Variants in DLGAP2 observed in about 807,000 individuals in gnomAD.
DLGAP2 encodes disks large-associated protein 2.
In DLGAP2, 26 loss-of-function variants were observed where a neutral mutation model predicts 100.3. The observed-to-expected ratio is 0.26, with a 90% confidence interval of 0.19 to 0.36. The LOEUF is 0.36. Among genes scored for constraint, DLGAP2 ranks in the 10% least tolerant of loss-of-function variants. DLGAP2 has a pLI of 1.00. For synonymous variants in DLGAP2, 886 were observed against 630.1 expected (o/e 1.41, Z -6.08); for missense variants, 1,858 against 1,453.2 (o/e 1.28, Z -4.53).
At chr8:1,027,360 C>T (rs1459653236) in intron 2 of DLGAP2, among the ~76,000 whole-genome samples, 3 of 150,600 alleles carry the variant, frequency 2.0e-5, no homozygotes, top group East Asian at 2.0e-4. Flanking sequence ...ACCAGGTGCC[C>T]GTTATTCTCC....
At chr8:1,279,630 C>G (rs1799775791) in intron 3 of DLGAP2, among the ~76,000 whole-genome samples, 1 of 152,218 alleles carries the variant, frequency 6.6e-6, no homozygotes, top group Admixed American at 6.5e-5. Flanking sequence ...GTAGCTGGGT[C>G]TTCAGCAAGG....
At position 1,701,343 on chromosome 8, in the gene DLGAP2, T is replaced by TTCCGCC; in HGVS notation, c.3110_3115dup (p.Ala1037_Ser1038dup). ...AGCGAGCGGCGTCCTTCCGGCAGAATTCCGCCTCCGAGCGCGCGGACAGCA... is the reference window on the plus strand; with the variant it reads ...AGCGAGCGGCGTCCTTCCGGCAGAATTCCGCCTCCGCCTCCGAGCGCGCGGACAGCA... On this transcript the variant is annotated inframe_insertion, in exon 15 of 15. Transcript: ENST00000637795. 1 of 1,595,140 alleles carries TTCCGCC rather than the reference T, an allele frequency of 6.3e-7. No individual in the cohort carries two copies. Among genetic ancestry groups the TTCCGCC allele is most frequent in the East Asian group, 2.3e-5 (1 of 43,792 alleles).
At chr8:1,277,682 T>G (rs181864723) in intron 3 of DLGAP2, among the ~76,000 whole-genome samples, 405 of 152,040 alleles carry the variant, frequency 2.7e-3, no homozygotes, top group Non-Finnish European at 4.6e-3. Flanking sequence ...AGTGGTGGGG[T>G]GGGCTTCCAG....
chr8:785,049 T>C (rs560976832), intron 1 of DLGAP2, among the ~76,000 whole-genome samples: 48 of 151,096 alleles, frequency 3.2e-4, no homozygotes, highest in Non-Finnish European at 5.3e-4. Context: ...CTACTAAAAA[T>C]ACAAAACAAT....
intron 8 of DLGAP2, among the ~76,000 whole-genome samples, chr8:1,663,778 C>T (rs544906000): frequency 1.3e-5 from 2 of 152,208 alleles, no homozygotes; most frequent in Admixed American, 6.5e-5. Context: ...CAGAGGAAAG[C>T]AGAGCAAAAC....
At chr8:1,282,288 C>T (rs1433548262) in intron 3 of DLGAP2, among the ~76,000 whole-genome samples, 1 of 147,464 alleles carries the variant, frequency 6.8e-6, no homozygotes, top group Non-Finnish European at 1.5e-5. Flanking sequence ...CATGGTGTGA[C>T]CTGAACCCAG....
intron 2 of DLGAP2, among the ~76,000 whole-genome samples, chr8:1,150,191 T>C (rs1796673700): frequency 6.6e-6 from 1 of 152,236 alleles, no homozygotes; most frequent in Non-Finnish European, 1.5e-5. Context: ...AATTTTTGTT[T>C]GCCTAGAAAT....
intron 4 of DLGAP2, among the ~76,000 whole-genome samples, chr8:1,536,293 C>T (rs1013983806): frequency 2.6e-5 from 4 of 152,092 alleles, no homozygotes; most frequent in East Asian, 1.9e-4. Context: ...TAGTGACTGA[C>T]GACTTCCCGG....
At chr8:1,377,167 C>G (rs1386371872) in intron 3 of DLGAP2, among the ~76,000 whole-genome samples, 2 of 152,242 alleles carry the variant, frequency 1.3e-5, no homozygotes, top group South Asian at 2.1e-4. Flanking sequence ...CTGTCCCTAC[C>G]TGGCCCCTCC....
intron 2 of DLGAP2, among the ~76,000 whole-genome samples, chr8:1,196,303 G>A (rs910618079): frequency 1.3e-5 from 2 of 152,250 alleles, no homozygotes; most frequent in Non-Finnish European, 2.9e-5. Flanking sequence ...ACACTGCAGT[G>A]ACAACTATTT....
chr8:975,127 G>T (rs930239196), intron 2 of DLGAP2, among the ~76,000 whole-genome samples: 1 of 152,094 alleles, frequency 6.6e-6, no homozygotes, highest in Admixed American at 6.6e-5. Context: ...CTGTGTCCAA[G>T]AATTTGATAA....
rs55781731 is a variant in DLGAP2, at chr8:785,221, C to CAAAAAAAAAAA, written c.18+47417_18+47427dup. Among the ~76,000 whole-genome samples the CAAAAAAAAAAA allele has an allele frequency of 4.3e-4, 26 of 60,832 alleles. 3 individuals are homozygous for CAAAAAAAAAAA. Among genetic ancestry groups the CAAAAAAAAAAA allele is most frequent in the South Asian group, 7.8e-4 (1 of 1,284 alleles). 39.9% of individuals were successfully genotyped at this position (60,832 alleles called of 152,430 possible). On this transcript the variant is annotated intron_variant, in intron 1 of 14. Transcript: ENST00000637795. ...TGGGCGACAGAGCGAGACTCCGCCT[C>CAAAAAAAAAAA]AAAAAAAAAAAAAAAAAAAAAAAAA...
chr8:1,043,769 G>A (rs938169273), intron 2 of DLGAP2, among the ~76,000 whole-genome samples: 24 of 152,062 alleles, frequency 1.6e-4, no homozygotes, highest in Non-Finnish European at 2.9e-5. Context: ...TGTGCATGGG[G>A]TAAGTTAATC....
chr8:737,853 C>A, intron 1 of DLGAP2, 28 bp downstream of exon 1: 1 of 376,250 alleles, frequency 2.7e-6, no homozygotes, highest in Non-Finnish European at 4.7e-6. Context: ...CTGCCGGGAG[C>A]CGGGCGCGGG....
Position 1,013,305 on chromosome 8 carries a change from T to C in DLGAP2, c.73+105339T>C, listed in dbSNP as rs533251787. On this transcript the variant is annotated intron_variant, in intron 2 of 14. Coordinates refer to ENST00000637795, the MANE Select transcript of DLGAP2 (RefSeq NM_001346810.2). The stretch of plus-strand genomic sequence containing the variant: ...GCCCTGTGCAGGATACAGTAGAGCT[T>C]TGAGCATCTCGTAGGTTGATAAGGA... 2.6e-5 allele frequency among the ~76,000 whole-genome samples: 4 copies of C among 152,310 alleles called. No individual in the cohort carries two copies. The South Asian group carries it at 8.3e-4, about 32-fold the overall frequency.
intron 6 of DLGAP2, among the ~76,000 whole-genome samples, chr8:1,569,530 A>C (rs143950860): frequency 6.6e-6 from 1 of 152,252 alleles, no homozygotes; most frequent in Non-Finnish European, 1.5e-5. Context: ...GGAGGTATCA[A>C]CACATTTTTG....
At chr8:1,104,198 C>T (rs1000101705) in intron 2 of DLGAP2, among the ~76,000 whole-genome samples, 18 of 152,132 alleles carry the variant, frequency 1.2e-4, no homozygotes, top group African/African-American at 3.1e-4. Context: ...CATCCAGCCC[C>T]GGCCACGGTG....
chr8:1,594,515 G>C (rs1267423036), intron 6 of DLGAP2, among the ~76,000 whole-genome samples: 1 of 152,098 alleles, frequency 6.6e-6, no homozygotes, highest in African/African-American at 2.4e-5. Context: ...TGAACTCAAA[G>C]ACAACATCGT....
chr8:836,830 C>T lies in DLGAP2; in HGVS notation c.19-71082C>T, dbSNP rs146354474. Among the ~76,000 whole-genome samples the T allele has an allele frequency of 2.0e-5, 3 of 152,320 alleles. No individual in the cohort carries two copies. In the East Asian group the frequency reaches 5.8e-4, roughly 29 times the overall value. ...ATCTTTTGTTTCCCTCATCACTTTA[C>T]CGAAGGACCATACCAGACTCTGCGC... On this transcript the variant is annotated intron_variant, in intron 1 of 14. Transcript: ENST00000637795.
Sources: gnomAD v4.1 joint callset for allele counts (sites outside exome capture counted in the v4.1 genomes callset) on GRCh38, gnomAD v4.1.1 for gene constraint, MANE v1.5 for transcripts, NCBI Gene and HGNC (gene_info 2026-07-23, HGNC 2026-07-21) for gene names.